The following EREG variants were observed in gnomAD, a reference collection of about 807,000 sequenced individuals.
The protein encoded by EREG is proepiregulin.
Under a neutral mutation model 22.4 loss-of-function variants are expected in EREG, and 23 were observed. The observed-to-expected ratio is 1.03, with a 90% CI of 0.74 to 1.46. The LOEUF (loss-of-function observed/expected upper bound fraction) is 1.46, where lower values mean the gene tolerates loss of function less well. Ranked by LOEUF, EREG falls within the 40% of genes most tolerant of loss-of-function variation. The pLI, the probability that EREG is intolerant of heterozygous loss-of-function variation, is 0.00. For synonymous variants in EREG, 100 were observed against 75.4 expected (o/e 1.33, Z -1.69); for missense variants, 226 against 205.9 (o/e 1.10, Z -0.60).
intron 4 of EREG, among the ~76,000 whole-genome samples, chr4:74,383,102 C>A (rs1343973721): frequency 1.3e-5 from 2 of 152,122 alleles, no homozygotes; most frequent in Non-Finnish European, 2.9e-5. Flanking sequence ...CTGGATTGAA[C>A]TTTATTATCA....
At chr4:74,377,402 C>T (rs10518126) in intron 1 of EREG, among the ~76,000 whole-genome samples, 11,434 of 152,086 alleles carry the variant, frequency 0.075, 749 homozygotes, top group African/African-American at 0.17. Context: ...GTATTATTGC[C>T]TATTTCCAAA....
rs777971461 is a variant in EREG at position 74,384,757 on chromosome 4, G to A, written c.459G>A (p.Lys153=). Reference sequence around the variant, plus strand: ...GAAATCGAAAAAGTAAAGAACCAAAGAAGGAATATGAGAGAGTTACCTCAG... The same window carrying A: ...GAAATCGAAAAAGTAAAGAACCAAAAAAGGAATATGAGAGAGTTACCTCAG... ...WYRNRKSKEP[K]KEYERVTSGD... is the part of the protein sequence containing the mutation. Residue 153 remains lysine (K), a synonymous_variant, in exon 5 of 5, where the codon AAG becomes AAA. Coordinates refer to ENST00000244869, the MANE Select transcript of EREG (RefSeq NM_001432.3). The A allele has an allele frequency of 1.4e-5, 23 of 1,612,876 alleles. No individual in the cohort carries two copies. The highest frequency in any genetic ancestry group is 1.8e-5 in the Non-Finnish European group (21 of 1,179,208).
chr4:74,368,410 AG>A (rs1420044904), intron 1 of EREG, among the ~76,000 whole-genome samples: 1 of 152,232 alleles, frequency 6.6e-6, no homozygotes, highest in Admixed American at 6.5e-5. Flanking sequence ...CATTAAGTAA[AG>A]CAATAAAGAG....
Position 74,384,852 on chromosome 4 carries a change from T to G in EREG, c.*44T>G. 2 of 1,069,810 alleles carry G rather than the reference T, an allele frequency of 1.9e-6. No individual in the cohort carries two copies. The highest frequency in any genetic ancestry group is 2.7e-5 in the South Asian group (2 of 72,824). The allele number at this position is 1,069,810 out of a possible 1,614,324, so 66.3% of individuals were successfully genotyped here. A position where few individuals can be genotyped will look rare whatever the true frequency, so the allele number is the denominator to read the frequency against. ...TGGGCAGGGATAACAGTGTGCCTGGTTAATATTAATATTCCCATTTTATTA... is the reference window on the plus strand; with the variant it reads ...TGGGCAGGGATAACAGTGTGCCTGGGTAATATTAATATTCCCATTTTATTA... On this transcript the variant is annotated 3_prime_UTR_variant, in exon 5 of 5. Transcript: ENST00000244869.
Position 74,388,107 on chromosome 4 carries a change from A to ATATGGGAGAAGGGGGAGT in EREG, c.*3299_*3300insTATGGGAGAAGGGGGAGT, listed in dbSNP as rs1752602057. 1.3e-5 allele frequency: 2 copies of ATATGGGAGAAGGGGGAGT among 152,226 alleles called. No homozygotes were observed. The highest frequency in any genetic ancestry group is 1.3e-4 in the Admixed American group (2 of 15,284). The allele number at this position is 152,226 out of a possible 1,614,324, so 9.4% of individuals were successfully genotyped here. On this transcript the variant is annotated 3_prime_UTR_variant, in exon 5 of 5. Transcript: ENST00000244869. ...CTAAATTCAATCACCACCAGGTATC[A>ATATGGGAGAAGGGGGAGT]AATCAACTTTTATGCAGCAAATATA... is the stretch of plus-strand genomic sequence containing the variant.
chr4:74,382,821 C>G (rs955451778), intron 4 of EREG, 27 bp downstream of exon 4: 1 of 1,574,586 alleles, frequency 6.4e-7, no homozygotes, highest in Non-Finnish European at 8.7e-7. Flanking sequence ...TTATACTCTG[C>G]TTTTACAAAT....
In EREG at chr4:74,388,009, C is replaced by A; in HGVS notation, c.*3201C>A. 6.6e-6 allele frequency: 1 copy of A among 152,156 alleles called. No homozygotes were observed. The highest frequency in any genetic ancestry group is 1.9e-4 in the East Asian group (1 of 5,194). The allele number at this position is 152,156 out of a possible 1,614,324, so 9.4% of individuals were successfully genotyped here. A position where few individuals can be genotyped will look rare whatever the true frequency, so the allele number is the denominator to read the frequency against. ...TTGCTCTAATCTCTCTGCCGAAAGTCAAAGTGATGGGAGAATTGGTATACT... is the reference window on the plus strand; with the variant it reads ...TTGCTCTAATCTCTCTGCCGAAAGTAAAAGTGATGGGAGAATTGGTATACT... On this transcript the variant is annotated 3_prime_UTR_variant, in exon 5 of 5. Coordinates refer to ENST00000244869, the MANE Select transcript of EREG (RefSeq NM_001432.3).
intron 1 of EREG, among the ~76,000 whole-genome samples, chr4:74,370,674 A>G (rs1752275114): frequency 6.6e-6 from 1 of 152,116 alleles, no homozygotes; most frequent in South Asian, 2.1e-4. Flanking sequence ...GAAGAGAGGA[A>G]GAGAGAGGGG....
intron 3 of EREG, chr4:74,382,339 G>C (rs1181738324): frequency 4.6e-6 from 1 of 216,904 alleles, no homozygotes; most frequent in East Asian, 9.6e-5. Flanking sequence ...AAAAAGAATT[G>C]ATTCCACTGA....
At position 74,382,862 on chromosome 4, in the gene EREG, G is replaced by T; in HGVS notation, c.428+68G>T. On this transcript the variant is annotated intron_variant, in intron 4 of 4. Coordinates refer to ENST00000244869, the MANE Select transcript of EREG (RefSeq NM_001432.3). Reference sequence around the variant, plus strand: ...TTACATAATGCAGACCTATAAACTGGGTAAAAATATGGATAAAGTATTAGA... The same window carrying T: ...TTACATAATGCAGACCTATAAACTGTGTAAAAATATGGATAAAGTATTAGA... 9 of 1,177,472 alleles carry T rather than the reference G, an allele frequency of 7.6e-6. No individual in the cohort carries two copies. The South Asian group carries it at 1.3e-4, about 17-fold the overall frequency. The allele number at this position is 1,177,472 out of a possible 1,614,324, so 72.9% of individuals were successfully genotyped here.
At position 74,387,949 on chromosome 4, in the gene EREG, A is replaced by C. The variant is rs1238402345; in HGVS notation, c.*3141A>C. The C allele has an allele frequency of 6.6e-6, 1 of 152,216 alleles. No homozygotes were observed. The highest frequency in any genetic ancestry group is 2.4e-5 in the African/African-American group (1 of 41,448). The allele number at this position is 152,216 out of a possible 1,614,324, so 9.4% of individuals were successfully genotyped here. ...ATTGATATTATATTAAACATACATA[A>C]TACAATGTAACTCCACTGTTCTCCT... On this transcript the variant is annotated 3_prime_UTR_variant, in exon 5 of 5. Coordinates refer to ENST00000244869, the MANE Select transcript of EREG (RefSeq NM_001432.3).
At chr4:74,365,463 A>C in intron 1 of EREG, 88 bp downstream of exon 1, 1 of 969,388 alleles carries the variant, frequency 1.0e-6, no homozygotes, top group Non-Finnish European at 1.4e-6. Flanking sequence ...ACAAGTACGG[A>C]GTTGTCTCCA....
At position 74,386,042 on chromosome 4, in the gene EREG, A is replaced by C. The variant is rs1032110608; in HGVS notation, c.*1234A>C. ...ATGAAAACTAGGGCTCATTTTCCTGACATTTGTTTATTTTTTGGAAGAGAC... is the reference window on the plus strand; with the variant it reads ...ATGAAAACTAGGGCTCATTTTCCTGCCATTTGTTTATTTTTTGGAAGAGAC... On this transcript the variant is annotated 3_prime_UTR_variant, in exon 5 of 5. Coordinates refer to ENST00000244869, the MANE Select transcript of EREG (RefSeq NM_001432.3). 1.4e-5 allele frequency: 5 copies of C among 362,608 alleles called. No homozygotes were observed. Among genetic ancestry groups the C allele is most frequent in the African/African-American group, 1.0e-4 (5 of 47,914 alleles). 22.5% of individuals were successfully genotyped at this position (362,608 alleles called of 1,614,324 possible).
chr4:74,372,801 C>CTTT (rs60657787), intron 1 of EREG, among the ~76,000 whole-genome samples: 2 of 71,906 alleles, frequency 2.8e-5, no homozygotes, highest in Non-Finnish European at 4.9e-5. Flanking sequence ...TTAAATTGTA[C>CTTT]TTTTTTTTTT....
At chr4:74,369,282 T>C (rs1352824400) in intron 1 of EREG, among the ~76,000 whole-genome samples, 7 of 152,150 alleles carry the variant, frequency 4.6e-5, no homozygotes, top group Non-Finnish European at 2.9e-5. Flanking sequence ...GTGTAGTTTT[T>C]TTTCAATCCC....
intron 1 of EREG, among the ~76,000 whole-genome samples, chr4:74,375,189 G>A (rs1158912483): frequency 6.6e-6 from 1 of 151,496 alleles, no homozygotes; most frequent in Non-Finnish European, 1.5e-5. Context: ...TCCAATCATA[G>A]AGAAATTATG....
chr4:74,375,439 C>T (rs1752364350), intron 1 of EREG, among the ~76,000 whole-genome samples: 1 of 150,292 alleles, frequency 6.7e-6, no homozygotes, highest in Non-Finnish European at 1.5e-5. Flanking sequence ...CTGCCTCAGC[C>T]GCCTGAGTAG....
chr4:74,365,648 A>C (rs1284976601), intron 1 of EREG, among the ~76,000 whole-genome samples: 3 of 145,424 alleles, frequency 2.1e-5, no homozygotes, highest in African/African-American at 7.6e-5. Context: ...AAACAAAATA[A>C]AAAGTTGTTG....
In EREG at chr4:74,384,708, C is replaced by T. The variant is rs760032872; in HGVS notation, c.429-19C>T. The T allele has an allele frequency of 1.9e-5, 28 of 1,499,772 alleles. No individual in the cohort carries two copies. The highest frequency in any genetic ancestry group is 2.3e-5 in the South Asian group (2 of 88,566). 92.9% of individuals were successfully genotyped at this position (1,499,772 alleles called of 1,614,324 possible). On this transcript the variant is annotated intron_variant, in intron 4 of 4. Transcript: ENST00000244869. ...CTATTAACTGCAGTGCTAACAGTTT[C>T]GTTTGTGAATATTTCCAGGTACAGA...
Sources: gnomAD v4.1 joint callset for allele counts (sites outside exome capture counted in the v4.1 genomes callset) on GRCh38, gnomAD v4.1.1 for gene constraint, MANE v1.5 for transcripts, NCBI Gene and HGNC (gene_info 2026-07-23, HGNC 2026-07-21) for gene names.